BTRC: variants seen among roughly 807,000 people sequenced by gnomAD.
BTRC encodes the protein beta-transducin repeat containing E3 ubiquitin protein ligase, also known as F-box/WD repeat-containing protein 1A.
In BTRC, 42 loss-of-function variants were observed where a neutral mutation model predicts 85.5. That is an observed-to-expected ratio of 0.49 (90% confidence interval 0.38 to 0.64). The LOEUF (loss-of-function observed/expected upper bound fraction) is 0.64. BTRC is among the 30% of genes least tolerant of loss of function. The pLI is 0.00. For missense variants in BTRC, 594 were observed against 743.5 expected, an observed-to-expected ratio of 0.80 and a Z score of 2.34; for synonymous variants, 255 against 263.3, an observed-to-expected ratio of 0.97 and a Z score of 0.30.
chr10:101,430,185 C>T lies in BTRC; in HGVS notation c.49-160C>T, dbSNP rs146205196. Among the ~76,000 whole-genome samples the T allele has an allele frequency of 4.2e-4, 64 of 152,316 alleles. No individual in the cohort carries two copies. In the East Asian group the frequency reaches 9.0e-3, roughly 22 times the overall value. ...ACTACTGCCCCTTTTGGGATTCTCT[C>T]TGGGGTTAAAGCCAGTAAGTAGTGT... On this transcript the variant is annotated intron_variant, in intron 1 of 14. Transcript: ENST00000370187.
In BTRC at chr10:101,535,452, C is replaced by T. The variant is rs763087404; in HGVS notation, c.1446C>T (p.Gly482=). 11 of 1,613,148 alleles carry T rather than the reference C, an allele frequency of 6.8e-6. No individual in the cohort carries two copies. Among genetic ancestry groups the T allele is most frequent in the African/African-American group, 1.3e-5 (1 of 74,906 alleles). ...ACAGGGACAGGCTGGTAGTGAGTGG[C>T]TCATCTGACAACACTATCAGGTGAG... ...LQYRDRLVVS[G]SSDNTIRLWD... is the part of the protein sequence containing the mutation. The change falls in exon 11 of 15, where the codon GGC becomes GGT. Residue 482 remains glycine, a synonymous_variant. Coordinates refer to ENST00000370187, the MANE Select transcript of BTRC (RefSeq NM_033637.4).
At chr10:101,496,284 A>G (rs1400558866) in intron 4 of BTRC, among the ~76,000 whole-genome samples, 3 of 152,176 alleles carry the variant, frequency 2.0e-5, no homozygotes, top group Non-Finnish European at 4.4e-5. Flanking sequence ...ACTAGCACCA[A>G]TTTTTATACA....
chr10:101,507,749 TAAC>T (rs1443088279), intron 4 of BTRC, among the ~76,000 whole-genome samples: 2 of 152,250 alleles, frequency 1.3e-5, no homozygotes, highest in African/African-American at 2.4e-5. Flanking sequence ...CCATTAACGA[TAAC>T]AAGTTTAGAG....
intron 1 of BTRC, among the ~76,000 whole-genome samples, chr10:101,367,242 G>C (rs1942492425): frequency 6.7e-6 from 1 of 148,622 alleles, no homozygotes; most frequent in African/African-American, 2.5e-5. Flanking sequence ...GCTAATTTTT[G>C]TATTTTTAGT....
intron 13 of BTRC, among the ~76,000 whole-genome samples, chr10:101,541,249 G>A (rs1454354879): frequency 6.9e-6 from 1 of 144,790 alleles, no homozygotes; most frequent in African/African-American, 2.6e-5. Flanking sequence ...ATGTATGTCA[G>A]CTATAGGGTT....
At chr10:101,366,817 T>C (rs1232525982) in intron 1 of BTRC, among the ~76,000 whole-genome samples, 1 of 55,026 alleles carries the variant, frequency 1.8e-5, no homozygotes, top group African/African-American at 1.0e-4. Flanking sequence ...TATTTATATA[T>C]ATTAATATAT....
chr10:101,531,396 A>T, intron 7 of BTRC, 63 bp downstream of exon 7: 1 of 1,275,112 alleles, frequency 7.8e-7, no homozygotes, highest in Non-Finnish European at 1.1e-6. Flanking sequence ...TTCTTCAGTC[A>T]CAGTATGGTT....
At chr10:101,541,182 A>T (rs1390418491) in intron 13 of BTRC, among the ~76,000 whole-genome samples, 3 of 149,418 alleles carry the variant, frequency 2.0e-5, no homozygotes, top group African/African-American at 7.4e-5. Context: ...TTTTTTGTTC[A>T]TGATCTTAGG....
chr10:101,528,608 G>T (rs569610295), intron 6 of BTRC, among the ~76,000 whole-genome samples: 1 of 151,986 alleles, frequency 6.6e-6, no homozygotes, highest in South Asian at 2.1e-4. Flanking sequence ...TATACATCCC[G>T]TGTCAACTTC....
chr10:101,403,944 C>T (rs1435200977), intron 1 of BTRC, among the ~76,000 whole-genome samples: 9 of 142,560 alleles, frequency 6.3e-5, no homozygotes, highest in Admixed American at 5.7e-4. Flanking sequence ...CTCTTTCTTT[C>T]AAGAGTGTTT....
chr10:101,372,251 T>C (rs1401062651), intron 1 of BTRC, among the ~76,000 whole-genome samples: 1 of 151,568 alleles, frequency 6.6e-6, no homozygotes, highest in East Asian at 1.9e-4. Context: ...GTTTTCTTTT[T>C]CTTTTTCTTT....
rs1336490219 is a variant in BTRC, at chr10:101,414,857, A to G, written c.49-15488A>G. 3.3e-5 allele frequency among the ~76,000 whole-genome samples: 5 copies of G among 151,778 alleles called. No individual in the cohort carries two copies. The South Asian group carries it at 6.2e-4, about 19-fold the overall frequency. On this transcript the variant is annotated intron_variant, in intron 1 of 14. Coordinates refer to ENST00000370187, the MANE Select transcript of BTRC (RefSeq NM_033637.4). ...AAAAATATTTTTGTACTGCTGTACA[A>G]TATGTTTGTGTTTTGAGCTAAATGT...
At chr10:101,393,912 A>G (rs1317377878) in intron 1 of BTRC, among the ~76,000 whole-genome samples, 1 of 152,190 alleles carries the variant, frequency 6.6e-6, no homozygotes, top group African/African-American at 2.4e-5. Flanking sequence ...AAGCAGTTGA[A>G]TGAGAAAACT....
At chr10:101,468,400 G>A (rs1446364578) in intron 3 of BTRC, among the ~76,000 whole-genome samples, 1 of 151,898 alleles carries the variant, frequency 6.6e-6, no homozygotes, top group Admixed American at 6.6e-5. Context: ...AAAAAGGCGG[G>A]GGGTGGGGTG....
intron 3 of BTRC, among the ~76,000 whole-genome samples, chr10:101,466,111 C>G (rs1160692592): frequency 2.0e-5 from 3 of 152,130 alleles, no homozygotes; most frequent in Admixed American, 6.6e-5. Flanking sequence ...CAACTCTTTG[C>G]TTCTCATTGG....
intron 4 of BTRC, among the ~76,000 whole-genome samples, chr10:101,482,835 G>T (rs1302909499): frequency 6.6e-6 from 1 of 152,106 alleles, no homozygotes; most frequent in African/African-American, 2.4e-5. Flanking sequence ...GCATTGATAT[G>T]GCTGCAGTGT....
chr10:101,513,180 G>C (rs2061978557), intron 4 of BTRC, among the ~76,000 whole-genome samples: 1 of 152,124 alleles, frequency 6.6e-6, no homozygotes, highest in Non-Finnish European at 1.5e-5. Context: ...AAAGGGGCAT[G>C]ACAACAAAGA....
At chr10:101,407,025 C>G (rs1465733298) in intron 1 of BTRC, among the ~76,000 whole-genome samples, 1 of 152,114 alleles carries the variant, frequency 6.6e-6, no homozygotes, top group Non-Finnish European at 1.5e-5. Flanking sequence ...AGATGCCAAC[C>G]AAGTATATAC....
chr10:101,504,941 A>C (rs1946481531), intron 4 of BTRC, among the ~76,000 whole-genome samples: 1 of 151,252 alleles, frequency 6.6e-6, no homozygotes, highest in Admixed American at 6.6e-5. Flanking sequence ...AAATTTTAAA[A>C]AAATTTTGTT....
Sources: gnomAD v4.1 joint callset for allele counts (sites outside exome capture counted in the v4.1 genomes callset) on GRCh38, gnomAD v4.1.1 for gene constraint, MANE v1.5 for transcripts, NCBI Gene and HGNC (gene_info 2026-07-23, HGNC 2026-07-21) for gene names.